Variants in DES observed in about 807,000 individuals in gnomAD.
DES encodes the protein desmin, also known as cardiomyopathy, dilated 1F (autosomal dominant).
In DES, 34 loss-of-function variants were observed where a neutral mutation model predicts 55.1. That is an observed-to-expected ratio of 0.62 (90% confidence interval 0.47 to 0.82). The LOEUF is 0.82. Among genes scored for constraint, DES ranks in the 40% least tolerant of loss-of-function variants. The probability of loss-of-function intolerance (pLI) is 0.00; values close to 1 mark genes in which losing one functional copy is unlikely to be tolerated. For synonymous variants in DES, 259 were observed against 270.8 expected (o/e 0.96, Z 0.43); for missense variants, 596 against 645.9 (o/e 0.92, Z 0.84).
Position 219,419,095 on chromosome 2 carries a change from G to T in DES, c.578+55G>T. The stretch of plus-strand genomic sequence containing the variant: ...TCTGCGGGCAGGGCACAGGAGGCTA[G>T]GCCTGGGGTCTGGGGTCCCGCTGTC... On this transcript the variant is annotated intron_variant, in intron 1 of 8. Coordinates refer to ENST00000373960, the MANE Select transcript of DES (RefSeq NM_001927.4). The surrounding 1 kb of genome is among the most constrained non-coding windows in gnomAD (Gnocchi z 4.3). 1 of 1,534,794 alleles carries T rather than the reference G, an allele frequency of 6.5e-7. No homozygotes were observed. The highest frequency in any genetic ancestry group is 8.7e-7 in the Non-Finnish European group (1 of 1,146,360).
At chr2:219,423,661 G>A (rs1242836191) in intron 6 of DES, 116 bp from the exon 7 acceptor site, 6 of 966,616 alleles carry the variant, frequency 6.2e-6, no homozygotes, top group East Asian at 2.5e-5. Flanking sequence ...GGATGGTCTC[G>A]ATCTCCTGAC....
Position 219,426,208 on chromosome 2 carries a change from G to A in DES, c.*218G>A, listed in dbSNP as rs1954534260. ...GCCCCGGCCACCTCTGCGGACCCCA[G>A]CTGTGAGCCTTGGCTGTTGGCAGTG... On this transcript the variant is annotated 3_prime_UTR_variant, in exon 9 of 9. Coordinates refer to ENST00000373960, the MANE Select transcript of DES (RefSeq NM_001927.4). This position sits in a 1 kb window ranked among gnomAD's most constrained non-coding sequence, Gnocchi z 4.5. The A allele has an allele frequency of 9.1e-6, 6 of 656,006 alleles. No individual in the cohort carries two copies. The highest frequency in any genetic ancestry group is 1.7e-5 in the Non-Finnish European group (6 of 362,824). 40.6% of individuals were successfully genotyped at this position (656,006 alleles called of 1,614,324 possible). A position where few individuals can be genotyped will look rare whatever the true frequency, so the allele number is the denominator to read the frequency against.
chr2:219,421,833 A>G (rs1954450953), intron 6 of DES, among the ~76,000 whole-genome samples: 1 of 151,884 alleles, frequency 6.6e-6, no homozygotes, highest in Non-Finnish European at 1.5e-5. Context: ...CGCCTGGCTA[A>G]TTTTTGTATT....
chr2:219,424,145 C>T (rs991392998), intron 7 of DES, among the ~76,000 whole-genome samples: 1 of 152,210 alleles, frequency 6.6e-6, no homozygotes, highest in Non-Finnish European at 1.5e-5. Context: ...CCTTGGGGAC[C>T]TGGCTTCAGG....
chr2:219,420,155 G>A lies in DES; in HGVS notation c.639G>A (p.Ala213=), dbSNP rs377337947. The part of the protein sequence containing the change: ...EAENNLAAFR[A]DVDAATLARI... ...AGAACAATTTGGCTGCCTTCCGAGC[G>A]GTGAGTGCCCTTCTTTTCCCCTTGC... Residue 213 remains alanine (A), a splice_region_variant and synonymous_variant, in exon 2 of 9, where the codon GCG becomes GCA. Coordinates refer to ENST00000373960, the MANE Select transcript of DES (RefSeq NM_001927.4). The surrounding 1 kb of genome is among the most constrained non-coding windows in gnomAD (Gnocchi z 6.0). 80 of 1,614,104 alleles carry A rather than the reference G, an allele frequency of 5.0e-5. 1 individual carries two copies. The South Asian group carries it at 5.9e-4, about 12-fold the overall frequency.
chr2:219,425,807 G>A (rs1954525259), intron 8 of DES, 62 bp downstream of exon 8: 1 of 1,596,290 alleles, frequency 6.3e-7, no homozygotes, highest in South Asian at 1.1e-5. Context: ...TGGGGGGACT[G>A]TCTTCCACCC....
intron 6 of DES, among the ~76,000 whole-genome samples, chr2:219,421,874 G>T (rs1275367977): frequency 6.6e-6 from 1 of 151,868 alleles, no homozygotes; most frequent in East Asian, 1.9e-4. Context: ...ACTATGTTGG[G>T]CAGCTGGTCT....
In DES at chr2:219,420,073, T is replaced by G. The variant is rs1208438101; in HGVS notation, c.579-22T>G. 6.2e-7 allele frequency: 1 copy of G among 1,613,958 alleles called. No individual in the cohort carries two copies. Among genetic ancestry groups the G allele is most frequent in the South Asian group, 1.1e-5 (1 of 91,074 alleles). ...CAGCTTTATCACCCGCAACTGTCTG[T>G]CTTTCTGTCTGTCCCACCCAGGCTG... On this transcript the variant is annotated intron_variant, in intron 1 of 8. Coordinates refer to ENST00000373960, the MANE Select transcript of DES (RefSeq NM_001927.4). The surrounding 1 kb of genome is among the most constrained non-coding windows in gnomAD (Gnocchi z 6.0).
chr2:219,425,980 A>G lies in DES; in HGVS notation c.1403A>G (p.Glu468Gly). ...AGTGAGGCCACACAGCAGCAGCATG[A>G]AGTGCTCTAAAGACAGAGACCCTCT... is the stretch of plus-strand genomic sequence containing the variant. ...VVSEATQQQH[E>G]VL Residue 468 changes from glutamate (E) to glycine (G), a missense_variant, in exon 9 of 9, where the codon GAA (glutamate) becomes GGA (glycine). Coordinates refer to ENST00000373960, the MANE Select transcript of DES (RefSeq NM_001927.4). The G allele has an allele frequency of 6.2e-7, 1 of 1,613,938 alleles. No individual in the cohort carries two copies. Among genetic ancestry groups the G allele is most frequent in the Non-Finnish European group, 8.5e-7 (1 of 1,179,954 alleles).
Position 219,420,352 on chromosome 2 carries a change from C to T in DES, c.735+6C>T, listed in dbSNP as rs1302528006. 3 of 1,613,722 alleles carry T rather than the reference C, an allele frequency of 1.9e-6. No homozygotes were observed. The highest frequency in any genetic ancestry group is 1.1e-5 in the South Asian group (1 of 91,066). The stretch of plus-strand genomic sequence containing the variant: ...TTAAGAAAGTGCATGAAGAGGTATA[C>T]CTTGGCCCCTCTTCCTGGGGTCACT... On this transcript the variant is annotated splice_donor_region_variant and intron_variant, in intron 3 of 8. Coordinates refer to ENST00000373960, the MANE Select transcript of DES (RefSeq NM_001927.4). The surrounding 1 kb of genome is among the most constrained non-coding windows in gnomAD (Gnocchi z 6.0).
At position 219,418,941 on chromosome 2, in the gene DES, G is replaced by A. The variant is rs1173534531; in HGVS notation, c.479G>A (p.Arg160Gln). The A allele has an allele frequency of 6.4e-7, 1 of 1,557,490 alleles. No homozygotes were observed. The highest frequency in any genetic ancestry group is 1.4e-5 in the African/African-American group (1 of 73,582). ...GCCGAGCTCTACGAGGAGGAGCTGC[G>A]GGAGCTGCGGCGCCAGGTGGAGGTG... is the stretch of plus-strand genomic sequence containing the variant. ...RVAELYEEEL[R>Q]ELRRQVEVLT... Residue 160 changes from arginine (R) to glutamine (Q), a missense_variant, in exon 1 of 9, where the codon CGG (arginine) becomes CAG (glutamine). Coordinates refer to ENST00000373960, the MANE Select transcript of DES (RefSeq NM_001927.4).
intron 6 of DES, among the ~76,000 whole-genome samples, chr2:219,422,327 T>C: frequency 6.6e-6 from 1 of 151,996 alleles, no homozygotes; most frequent in Non-Finnish European, 1.5e-5. Context: ...CATGCACACA[T>C]GTCAGCATAT....
intron 6 of DES, 25 bp downstream of exon 6, chr2:219,421,585 G>A (rs1179849926): frequency 1.9e-6 from 3 of 1,609,774 alleles, no homozygotes; most frequent in Non-Finnish European, 2.5e-6. Flanking sequence ...AGGAGCCCGA[G>A]TGGGAGGTGC....
Position 219,426,466 on chromosome 2 carries a change from T to C in DES, c.*476T>C. 1 of 232,688 alleles carries C rather than the reference T, an allele frequency of 4.3e-6. No homozygotes were observed. Among genetic ancestry groups the C allele is most frequent in the Non-Finnish European group, 8.6e-6 (1 of 115,738 alleles). The allele number at this position is 232,688 out of a possible 1,614,324, so 14.4% of individuals were successfully genotyped here. On this transcript the variant is annotated 3_prime_UTR_variant, in exon 9 of 9. Coordinates refer to ENST00000373960, the MANE Select transcript of DES (RefSeq NM_001927.4). The surrounding 1 kb of genome is among the most constrained non-coding windows in gnomAD (Gnocchi z 4.5). ...TAGCCCCTGTGGAGACTGGGGGGCT[T>C]GAAATTGTCCCCGTGGTCTCTTACT...
At chr2:219,425,633 A>G in intron 7 of DES, 30 bp from the exon 8 acceptor site, 1 of 1,552,216 alleles carries the variant, frequency 6.4e-7, no homozygotes. Context: ...GGACTTGGTC[A>G]GGCTGAGTGT....
chr2:219,419,111 T>C lies in DES; in HGVS notation c.578+71T>C. 6.5e-7 allele frequency: 1 copy of C among 1,533,412 alleles called. No homozygotes were observed. Among genetic ancestry groups the C allele is most frequent in the Non-Finnish European group, 8.7e-7 (1 of 1,145,848 alleles). 95.0% of individuals were successfully genotyped at this position (1,533,412 alleles called of 1,614,324 possible). On this transcript the variant is annotated intron_variant, in intron 1 of 8. Transcript: ENST00000373960. The surrounding 1 kb of genome is among the most constrained non-coding windows in gnomAD (Gnocchi z 4.3). ...AGGAGGCTAGGCCTGGGGTCTGGGG[T>C]CCCGCTGTCAGCACCTGCCTTCTCC...
chr2:219,426,126 C>T lies in DES; in HGVS notation c.*136C>T. 1 of 1,040,072 alleles carries T rather than the reference C, an allele frequency of 9.6e-7. No homozygotes were observed. The highest frequency in any genetic ancestry group is 1.5e-6 in the Non-Finnish European group (1 of 688,598). The allele number at this position is 1,040,072 out of a possible 1,614,324, so 64.4% of individuals were successfully genotyped here. ...ACAGCCTCTGACCCCTCCTCACTGG[C>T]CATCCCTCGTGGTCCCCAACAGCGA... On this transcript the variant is annotated 3_prime_UTR_variant, in exon 9 of 9. Transcript: ENST00000373960. This position sits in a 1 kb window ranked among gnomAD's most constrained non-coding sequence, Gnocchi z 4.5.
rs1359259668 is a variant in DES at position 219,420,286 on chromosome 2, G to C, written c.675G>C (p.Leu225=). The change falls in exon 3 of 9, where the codon CTG becomes CTC. Residue 225 remains leucine (L), a synonymous_variant. Coordinates refer to ENST00000373960, the MANE Select transcript of DES (RefSeq NM_001927.4). The surrounding 1 kb of genome is among the most constrained non-coding windows in gnomAD (Gnocchi z 6.0). Reference sequence around the variant, plus strand: ...CAGCTACTCTAGCTCGCATTGACCTGGAGCGCAGAATTGAATCTCTCAACG... The same window carrying C: ...CAGCTACTCTAGCTCGCATTGACCTCGAGCGCAGAATTGAATCTCTCAACG... The part of the protein sequence containing the change: ...VDAATLARID[L]ERRIESLNEE... 6.2e-7 allele frequency: 1 copy of C among 1,614,090 alleles called. No individual in the cohort carries two copies. The highest frequency in any genetic ancestry group is 1.3e-5 in the African/African-American group (1 of 74,920).
chr2:219,425,767 C>T, intron 8 of DES, 22 bp downstream of exon 8: 1 of 1,607,692 alleles, frequency 6.2e-7, no homozygotes, highest in Non-Finnish European at 8.5e-7. Flanking sequence ...GTCTGGGCTC[C>T]TTACCCTTGG....
Sources: allele counts gnomAD v4.1 joint callset (sites outside exome capture counted in the v4.1 genomes callset), GRCh38; gene constraint gnomAD v4.1.1; non-coding constraint Gnocchi (gnomAD v3.1); transcripts MANE v1.5; gene names NCBI Gene and HGNC (gene_info 2026-07-23, HGNC 2026-07-21).